MAST4: variants seen among roughly 807,000 people sequenced by gnomAD.
MAST4 encodes microtubule associated serine/threonine kinase family member 4, also known as microtubule-associated serine/threonine-protein kinase 4.
MAST4 carries 89 observed loss-of-function variants against 162.7 expected under a neutral mutation model. The observed-to-expected ratio is 0.55, with a 90% CI of 0.46 to 0.65. The LOEUF is 0.65. Among genes scored for constraint, MAST4 ranks in the 30% least tolerant of loss-of-function variants. MAST4 has a pLI of 0.00. For synonymous variants in MAST4, 1,479 were observed against 1,361.1 expected, an observed-to-expected ratio of 1.09 and a Z score of -1.91; for missense variants, 3,153 against 3,374.0, an observed-to-expected ratio of 0.93 and a Z score of 1.62.
At chr5:66,653,832 A>G (rs1386466280) in intron 1 of MAST4, among the ~76,000 whole-genome samples, 1 of 152,100 alleles carries the variant, frequency 6.6e-6, no homozygotes, top group Non-Finnish European at 1.5e-5. Flanking sequence ...ATACCTTTTG[A>G]CAGTGTGCAT....
intron 4 of MAST4, among the ~76,000 whole-genome samples, chr5:66,927,794 T>C (rs1035116816): frequency 6.6e-6 from 1 of 152,170 alleles, no homozygotes; most frequent in East Asian, 1.9e-4. Context: ...ACAACAGAAA[T>C]TTATTATCTC....
chr5:67,167,198 A>G lies in MAST4; in HGVS notation c.*147A>G, dbSNP rs932148141. The stretch of plus-strand genomic sequence containing the variant: ...AGACAGGGGAGAGAGAAAGACAAAG[A>G]GGGGACCTTCTTCCAGATGCCTTCC... On this transcript the variant is annotated 3_prime_UTR_variant, in exon 29 of 29. Coordinates refer to ENST00000403625, the MANE Select transcript of MAST4 (RefSeq NM_001164664.2). 1.5e-5 allele frequency: 6 copies of G among 398,620 alleles called. No individual in the cohort carries two copies. Among genetic ancestry groups the G allele is most frequent in the Non-Finnish European group, 2.4e-5 (6 of 254,456 alleles). The allele number at this position is 398,620 out of a possible 1,614,324, so 24.7% of individuals were successfully genotyped here.
intron 4 of MAST4, among the ~76,000 whole-genome samples, chr5:66,958,105 GTCTC>G (rs879888375): frequency 1.2e-3 from 177 of 151,176 alleles, no homozygotes; most frequent in Middle Eastern, 6.9e-3. Context: ...GTTTGGCTCT[GTCTC>G]TCTCTCTCTC....
At chr5:66,920,678 A>G (rs764388610) in intron 4 of MAST4, among the ~76,000 whole-genome samples, 5 of 152,050 alleles carry the variant, frequency 3.3e-5, no homozygotes, top group Non-Finnish European at 5.9e-5. Context: ...TTTATTAGAG[A>G]CAGGGTTTCT....
At position 67,100,560 on chromosome 5, in the gene MAST4, C is replaced by G. The variant is rs1403970015; in HGVS notation, c.1038C>G (p.Asn346Lys). ...ESIATENRCR[N>K]TPMRPRSRSL... The stretch of plus-strand genomic sequence containing the variant: ...TCGCCACTGAGAACAGATGCAGGAA[C>G]ACGCCGATGCGCCCCCGTTCCCGAA... The change falls in exon 8 of 29, where the codon AAC becomes AAG. Residue 346 changes from asparagine (N) to lysine (K), a missense_variant. By Grantham distance (94) the Asn-to-Lys change is moderately conservative. Around this residue, in one of 7 missense-constraint regions of MAST4, gnomAD observed 360 missense variants for 450.0 expected, o/e 0.80. Coordinates refer to ENST00000403625, the MANE Select transcript of MAST4 (RefSeq NM_001164664.2). 10 of 1,613,916 alleles carry G rather than the reference C, an allele frequency of 6.2e-6. No homozygotes were observed. Among genetic ancestry groups the G allele is most frequent in the Non-Finnish European group, 8.5e-6 (10 of 1,179,846 alleles).
Position 67,145,191 on chromosome 5 carries a change from A to G in MAST4, c.2906A>G (p.His969Arg). 1 of 1,613,336 alleles carries G rather than the reference A, an allele frequency of 6.2e-7. No homozygotes were observed. Among genetic ancestry groups the G allele is most frequent in the Non-Finnish European group, 8.5e-7 (1 of 1,179,630 alleles). ...TCTTCAGATACTGAAAGCAACAGAC[A>G]TAAACTCAGTTCTGGCCTACTTCCC... ...SNSSDTESNRHKLSSGLLPKL... is the reference protein window; with the variant it reads ...SNSSDTESNRRKLSSGLLPKL... Residue 969 changes from histidine to arginine, a missense_variant, in exon 23 of 29, where the codon CAT becomes CGT. Around this residue, in one of 7 missense-constraint regions of MAST4, gnomAD observed 619 missense variants for 744.2 expected, o/e 0.83. Transcript: ENST00000403625.
chr5:67,105,573 A>G (rs1765509872), intron 10 of MAST4, among the ~76,000 whole-genome samples: 1 of 152,186 alleles, frequency 6.6e-6, no homozygotes, highest in African/African-American at 2.4e-5. Context: ...CTTAGGGTGA[A>G]CACATTGTTT....
At chr5:66,670,451 T>C (rs1747536452) in intron 1 of MAST4, among the ~76,000 whole-genome samples, 1 of 152,230 alleles carries the variant, frequency 6.6e-6, no homozygotes, top group Non-Finnish European at 1.5e-5. Flanking sequence ...CCGAGTTTAT[T>C]ATAAATCAGG....
intron 22 of MAST4, 32 bp downstream of exon 22, chr5:67,144,828 A>T (rs917446522): frequency 6.4e-7 from 1 of 1,563,874 alleles, no homozygotes; most frequent in African/African-American, 1.4e-5. Flanking sequence ...TAATATAAGC[A>T]GTAGCTACTA....
At chr5:66,876,168 T>G (rs1016534171) in intron 3 of MAST4, among the ~76,000 whole-genome samples, 1 of 152,214 alleles carries the variant, frequency 6.6e-6, no homozygotes, top group African/African-American at 2.4e-5. Flanking sequence ...ACCCCCAGAG[T>G]GTCGTTTAAC....
At chr5:66,895,624 T>C (rs1209975275) in intron 3 of MAST4, among the ~76,000 whole-genome samples, 1 of 152,202 alleles carries the variant, frequency 6.6e-6, no homozygotes, top group Non-Finnish European at 1.5e-5. Context: ...TATGAAAACA[T>C]ACCTGAAATC....
intron 3 of MAST4, among the ~76,000 whole-genome samples, chr5:66,847,820 CAA>C (rs777825639): frequency 5.4e-4 from 29 of 54,140 alleles, no homozygotes; most frequent in Non-Finnish European, 7.3e-4. Flanking sequence ...GACTCCTTCT[CAA>C]AAAAAAAAAA....
chr5:66,803,685 A>G (rs1756034002), intron 3 of MAST4, among the ~76,000 whole-genome samples: 1 of 152,176 alleles, frequency 6.6e-6, no homozygotes, highest in Non-Finnish European at 1.5e-5. Context: ...TATTAAATTA[A>G]GATTACTAAT....
intron 14 of MAST4, among the ~76,000 whole-genome samples, chr5:67,127,270 G>T (rs1206393363): frequency 6.6e-6 from 1 of 152,140 alleles, no homozygotes; most frequent in African/African-American, 2.4e-5. Flanking sequence ...CCAATGCTAT[G>T]CTGAATAGGA....
chr5:67,043,070 T>A (rs1427106168), intron 4 of MAST4, among the ~76,000 whole-genome samples: 1 of 152,232 alleles, frequency 6.6e-6, no homozygotes. Context: ...GGAGATTTGG[T>A]GGTCACGGAA....
At chr5:66,759,594 G>A in intron 1 of MAST4, 115 bp from the exon 2 acceptor site, 1 of 1,311,124 alleles carries the variant, frequency 7.6e-7, no homozygotes, top group Non-Finnish European at 1.1e-6. Context: ...ACACAGTGTT[G>A]GGAGAATGGA....
rs1199041939 is a variant in MAST4, at chr5:66,648,075, T to TGAGAGAGA, written c.363+51058_363+51059insAGAGAGAG. Among the ~76,000 whole-genome samples the TGAGAGAGA allele has an allele frequency of 5.4e-3, 518 of 95,318 alleles. 5 individuals are homozygous for TGAGAGAGA. Among genetic ancestry groups the TGAGAGAGA allele is most frequent in the African/African-American group, 0.023 (490 of 20,962 alleles). The allele number at this position is 95,318 out of a possible 152,430, so 62.5% of individuals were successfully genotyped here. ...GTGTGTGTGTGTGTGTGTGTGTGTG[T>TGAGAGAGA]GTGTGTGTGAGAGAGAGAGAGAGAG... On this transcript the variant is annotated intron_variant, in intron 1 of 28. Coordinates refer to ENST00000403625, the MANE Select transcript of MAST4 (RefSeq NM_001164664.2).
intron 1 of MAST4, among the ~76,000 whole-genome samples, chr5:66,750,999 A>G (rs1753122078): frequency 1.3e-5 from 2 of 152,168 alleles, no homozygotes; most frequent in Admixed American, 6.5e-5. Flanking sequence ...CTGACCCCCA[A>G]GCAGCCTAAC....
intron 4 of MAST4, among the ~76,000 whole-genome samples, chr5:66,932,850 A>G (rs1244563704): frequency 1.3e-5 from 2 of 152,180 alleles, no homozygotes; most frequent in Non-Finnish European, 1.5e-5. Flanking sequence ...TTAGCAATTA[A>G]ATCTTTTTAT....
Sources: allele counts gnomAD v4.1 joint callset (sites outside exome capture counted in the v4.1 genomes callset), GRCh38; gene constraint gnomAD v4.1.1; regional missense constraint gnomAD v4.1.1; transcripts MANE v1.5; gene names NCBI Gene and HGNC (gene_info 2026-07-23, HGNC 2026-07-21).